Variants in DIAPH2 observed in about 807,000 individuals in gnomAD.
DIAPH2 encodes diaphanous related formin 2.
In DIAPH2, 35 loss-of-function variants were observed where a neutral mutation model predicts 92.7. The ratio of observed to expected loss-of-function variants is 0.38; its 90% confidence interval spans 0.29 to 0.50. The LOEUF is 0.50. DIAPH2 is among the 20% of genes least tolerant of loss of function. The probability of loss-of-function intolerance (pLI) is 0.94; values close to 1 mark genes in which losing one functional copy is unlikely to be tolerated. For synonymous variants in DIAPH2, 301 were observed against 280.4 expected (o/e 1.07, Z -0.73); for missense variants, 701 against 819.5 (o/e 0.86, Z 1.77).
chrX:97,026,426 A>G (rs1375961496), intron 17 of DIAPH2, among the ~76,000 whole-genome samples: 1 of 112,551 alleles, frequency 8.9e-6, no homozygotes. Flanking sequence ...AAAGGATCAT[A>G]GAACTGAAAA....
intron 22 of DIAPH2, among the ~76,000 whole-genome samples, chrX:97,198,265 TACACACAC>T (rs200339851): frequency 2.3e-3 from 201 of 88,783 alleles, no homozygotes; most frequent in South Asian, 6.3e-3. Context: ...AACAACAAAA[TACACACAC>T]ACACACACAC....
chrX:96,782,341 G>C (rs2064423786), intron 4 of DIAPH2, among the ~76,000 whole-genome samples: 1 of 111,270 alleles, frequency 9.0e-6, no homozygotes, highest in African/African-American at 3.3e-5. Context: ...ACCCAGGCTA[G>C]ATGGGGTGCA....
At chrX:97,227,271 C>T (rs2067972805) in intron 22 of DIAPH2, among the ~76,000 whole-genome samples, 1 of 110,046 alleles carries the variant, frequency 9.1e-6, no homozygotes, top group Non-Finnish European at 1.9e-5. Flanking sequence ...AAGACTTCGT[C>T]TAAAAAAAAA....
intron 4 of DIAPH2, among the ~76,000 whole-genome samples, chrX:96,813,619 C>G (rs182855227): frequency 9.0e-6 from 1 of 111,355 alleles, no homozygotes. Flanking sequence ...TTCCTACCAT[C>G]GATGGTCTTT....
chrX:96,879,953 C>T (rs1471667334), intron 4 of DIAPH2, among the ~76,000 whole-genome samples: 6 of 111,000 alleles, frequency 5.4e-5, no homozygotes, highest in African/African-American at 2.0e-4. Context: ...GATTTCGAAC[C>T]CCTGACCTCA....
intron 26 of DIAPH2, among the ~76,000 whole-genome samples, chrX:97,535,127 A>T (rs1038452551): frequency 3.6e-5 from 4 of 112,122 alleles, no homozygotes; most frequent in Admixed American, 2.8e-4. Context: ...CCCGAAACAG[A>T]AAAAGGATAG....
chrX:97,027,540 C>G lies in DIAPH2; in HGVS notation c.2051-45401C>G, dbSNP rs186051367. 2.3e-4 allele frequency among the ~76,000 whole-genome samples: 26 copies of G among 111,980 alleles called. No individual in the cohort carries two copies. The East Asian group carries it at 7.3e-3, about 31-fold the overall frequency. On this transcript the variant is annotated intron_variant, in intron 17 of 26. Coordinates refer to ENST00000324765, the MANE Select transcript of DIAPH2 (RefSeq NM_006729.5). ...ACTTGTAGTAGTGCTACAAAAAAGGCACAGATACCAAACTGACCTTAAAAG... is the reference window on the plus strand; with the variant it reads ...ACTTGTAGTAGTGCTACAAAAAAGGGACAGATACCAAACTGACCTTAAAAG...
chrX:97,526,304 C>T (rs986475882), intron 26 of DIAPH2, among the ~76,000 whole-genome samples: 1 of 111,186 alleles, frequency 9.0e-6, no homozygotes, highest in South Asian at 3.9e-4. Context: ...ATTGTGACAC[C>T]GAACATGAGG....
chrX:97,341,622 A>G (rs2069114479), intron 23 of DIAPH2, among the ~76,000 whole-genome samples: 1 of 110,927 alleles, frequency 9.0e-6, no homozygotes, highest in Non-Finnish European at 1.9e-5. Flanking sequence ...TATAGTTCCA[A>G]TACAAATCCA....
At chrX:97,401,317 C>T (rs1174115808) in intron 25 of DIAPH2, among the ~76,000 whole-genome samples, 1 of 110,899 alleles carries the variant, frequency 9.0e-6, no homozygotes, top group Non-Finnish European at 1.9e-5. Flanking sequence ...CTGATTCTCT[C>T]TCATCCCTTA....
intron 20 of DIAPH2, among the ~76,000 whole-genome samples, chrX:97,101,220 A>G (rs2066903899): frequency 9.1e-6 from 1 of 110,491 alleles, no homozygotes; most frequent in Non-Finnish European, 1.9e-5. Flanking sequence ...TGAGTTTTAC[A>G]GTAGGTATAC....
chrX:96,760,270 T>C lies in DIAPH2; in HGVS notation c.447+2012T>C, dbSNP rs1156606101. 6.3e-5 allele frequency among the ~76,000 whole-genome samples: 7 copies of C among 111,946 alleles called. No individual in the cohort carries two copies. The East Asian group carries it at 1.7e-3, about 27-fold the overall frequency. On this transcript the variant is annotated intron_variant, in intron 4 of 26. Coordinates refer to ENST00000324765, the MANE Select transcript of DIAPH2 (RefSeq NM_006729.5). The stretch of plus-strand genomic sequence containing the variant: ...TCATTAAAACCACAAAAATTAGTTA[T>C]GTAATTTCCTTTTGAAGGTGAGAGG...
chrX:97,174,734 T>C (rs1371961588), intron 22 of DIAPH2, among the ~76,000 whole-genome samples: 1 of 112,127 alleles, frequency 8.9e-6, no homozygotes, highest in African/African-American at 3.2e-5. Flanking sequence ...TTAATAAAAC[T>C]GCATATACAT....
At chrX:97,573,656 G>GT (rs1179976009) in intron 26 of DIAPH2, among the ~76,000 whole-genome samples, 2,532 of 96,442 alleles carry the variant, frequency 0.026, 24 homozygotes, top group South Asian at 0.035. Context: ...GGGTTTTTTT[G>GT]TTTTTTTTTT....
intron 22 of DIAPH2, among the ~76,000 whole-genome samples, chrX:97,237,340 T>C (rs1358790385): frequency 9.0e-6 from 1 of 110,578 alleles, no homozygotes; most frequent in African/African-American, 3.3e-5. Flanking sequence ...TATGGGATTG[T>C]CATAAAGGAT....
chrX:96,854,641 A>ATC (rs2065028485), intron 4 of DIAPH2, among the ~76,000 whole-genome samples: 1 of 77,710 alleles, frequency 1.3e-5, no homozygotes, highest in Non-Finnish European at 2.4e-5. Context: ...ATATATATAT[A>ATC]TCCATCTGAT....
chrX:96,766,472 T>G (rs1286397216), intron 4 of DIAPH2, among the ~76,000 whole-genome samples: 1 of 110,737 alleles, frequency 9.0e-6, no homozygotes, highest in African/African-American at 3.3e-5. Context: ...TTGTTTGTTT[T>G]TTTTTCTGCA....
chrX:96,947,503 A>C (rs2065745520), intron 14 of DIAPH2, among the ~76,000 whole-genome samples: 1 of 111,181 alleles, frequency 9.0e-6, no homozygotes, highest in African/African-American at 3.3e-5. Context: ...TGAAATTTAA[A>C]GAAATTAGAG....
chrX:97,119,288 G>A (rs1292632102), intron 21 of DIAPH2, among the ~76,000 whole-genome samples: 3 of 111,228 alleles, frequency 2.7e-5, no homozygotes, highest in Non-Finnish European at 5.7e-5. Context: ...TATGGATGTG[G>A]CTTCCTGAGA....
Sources: gnomAD v4.1 joint callset for allele counts (sites outside exome capture counted in the v4.1 genomes callset) on GRCh38, gnomAD v4.1.1 for gene constraint, MANE v1.5 for transcripts, NCBI Gene and HGNC (gene_info 2026-07-23, HGNC 2026-07-21) for gene names.